AUTS2: variants seen among roughly 807,000 people sequenced by gnomAD.
AUTS2 encodes autism susceptibility gene 2 protein.
AUTS2 carries 17 observed loss-of-function variants against 112.4 expected under a neutral mutation model. The observed-to-expected ratio is 0.15, with a 90% CI of 0.10 to 0.23. The LOEUF (loss-of-function observed/expected upper bound fraction) is 0.23, where lower values mean the gene tolerates loss of function less well. Among genes scored for constraint, AUTS2 ranks in the 10% least tolerant of loss-of-function variants. AUTS2 has a pLI of 1.00. For missense variants in AUTS2, 1,510 were observed against 1,701.6 expected (o/e 0.89, Z 1.98); for synonymous variants, 751 against 702.7 (o/e 1.07, Z -1.09).
chr7:69,765,158 T>G (rs1321633658), intron 1 of AUTS2, among the ~76,000 whole-genome samples: 2 of 152,228 alleles, frequency 1.3e-5, no homozygotes, highest in Non-Finnish European at 2.9e-5. Context: ...CTGGGCGGAT[T>G]ACATGTAGCA....
chr7:70,747,279 A>G (rs1225265586), intron 6 of AUTS2, among the ~76,000 whole-genome samples: 1 of 152,232 alleles, frequency 6.6e-6, no homozygotes, highest in Non-Finnish European at 1.5e-5. Flanking sequence ...CGAAGCATCA[A>G]CTTGGTTGTC....
intron 5 of AUTS2, among the ~76,000 whole-genome samples, chr7:70,502,759 A>C (rs1798816496): frequency 6.6e-6 from 1 of 152,174 alleles, no homozygotes; most frequent in African/African-American, 2.4e-5. Context: ...GAAAGTTCCC[A>C]TTCAGAAAAG....
intron 1 of AUTS2, among the ~76,000 whole-genome samples, chr7:69,752,597 T>C (rs926709016): frequency 6.6e-6 from 1 of 152,196 alleles, no homozygotes; most frequent in African/African-American, 2.4e-5. Context: ...TTGATCAGGA[T>C]AATTGTTGGG....
chr7:70,137,246 GAGA>G (rs2129575068), intron 4 of AUTS2, among the ~76,000 whole-genome samples: 1 of 152,264 alleles, frequency 6.6e-6, no homozygotes, highest in African/African-American at 2.4e-5. Context: ...AGACAAAATA[GAGA>G]AGGATTGGAA....
intron 2 of AUTS2, among the ~76,000 whole-genome samples, chr7:70,082,223 A>G (rs1302390225): frequency 3.9e-5 from 6 of 152,340 alleles, no homozygotes; most frequent in East Asian, 3.9e-4. Flanking sequence ...CTACGTGCCT[A>G]AAATGTTGAT....
chr7:69,883,014 A>G (rs1794121812), intron 1 of AUTS2, among the ~76,000 whole-genome samples: 4 of 152,312 alleles, frequency 2.6e-5, no homozygotes, highest in Admixed American at 2.0e-4. Context: ...CACAAATTTC[A>G]TTAAACTTTC....
chr7:70,703,688 G>C (rs1198565049), intron 6 of AUTS2, among the ~76,000 whole-genome samples: 3 of 152,142 alleles, frequency 2.0e-5, no homozygotes. Flanking sequence ...ATGATGTAAA[G>C]TGCATTTCCG....
At chr7:70,560,509 G>T (rs779472004) in intron 5 of AUTS2, among the ~76,000 whole-genome samples, 2 of 152,168 alleles carry the variant, frequency 1.3e-5, no homozygotes, top group Non-Finnish European at 2.9e-5. Flanking sequence ...AAACAACAGG[G>T]TTATTTTTTA....
chr7:70,197,513 G>GGT (rs1810249371), intron 4 of AUTS2, among the ~76,000 whole-genome samples: 1 of 132,578 alleles, frequency 7.5e-6, no homozygotes, highest in Non-Finnish European at 1.6e-5. Flanking sequence ...AGCAGGGCGA[G>GGT]GCATTGCCTC....
rs551651372 is a variant in AUTS2 at position 70,245,626 on chromosome 7, G to A, written c.660+111055G>A. Among the ~76,000 whole-genome samples, 5 of 152,070 alleles carry A rather than the reference G, an allele frequency of 3.3e-5. No homozygotes were observed. In the South Asian group the frequency reaches 1.0e-3, roughly 32 times the overall value. ...GTGTTCCATTGTATGAATATACTAT[G>A]GTTTACATATACCTTGTATTGATGG... On this transcript the variant is annotated intron_variant, in intron 4 of 18. Coordinates refer to ENST00000342771, the MANE Select transcript of AUTS2 (RefSeq NM_015570.4).
chr7:70,528,105 T>TTTA (rs1554421873), intron 5 of AUTS2, among the ~76,000 whole-genome samples: 21 of 112,762 alleles, frequency 1.9e-4, no homozygotes, highest in South Asian at 2.5e-4. Flanking sequence ...TTTTTTTTTT[T>TTTA]TTTTTTTTTT....
At chr7:70,617,860 G>A (rs1000268471) in intron 5 of AUTS2, among the ~76,000 whole-genome samples, 5 of 152,104 alleles carry the variant, frequency 3.3e-5, no homozygotes, top group African/African-American at 9.7e-5. Context: ...TCTGCACACC[G>A]CCTCTACTCA....
intron 2 of AUTS2, among the ~76,000 whole-genome samples, chr7:69,928,341 A>G (rs1268263601): frequency 6.6e-6 from 1 of 152,152 alleles, no homozygotes; most frequent in Non-Finnish European, 1.5e-5. Context: ...CAGCCCACAG[A>G]CTTCATGCCA....
chr7:69,686,232 C>T (rs916406645), intron 1 of AUTS2, among the ~76,000 whole-genome samples: 5 of 152,136 alleles, frequency 3.3e-5, no homozygotes, highest in Non-Finnish European at 7.4e-5. Flanking sequence ...ATATTTGAAT[C>T]GTGAATATAC....
At chr7:70,319,793 G>T (rs1302086492) in intron 4 of AUTS2, among the ~76,000 whole-genome samples, 2 of 152,182 alleles carry the variant, frequency 1.3e-5, no homozygotes, top group African/African-American at 2.4e-5. Context: ...AAATTACATG[G>T]TAGTGACTTC....
intron 4 of AUTS2, among the ~76,000 whole-genome samples, chr7:70,336,479 C>T (rs1790995269): frequency 6.6e-6 from 1 of 152,134 alleles, no homozygotes. Context: ...AGTGTGTTCC[C>T]TTAGCTTCTG....
At chr7:70,688,538 C>G (rs535222010) in intron 5 of AUTS2, among the ~76,000 whole-genome samples, 374 of 152,170 alleles carry the variant, frequency 2.5e-3, no homozygotes, top group Non-Finnish European at 4.4e-3. Context: ...ACAAAAAAAA[C>G]AAATCATGGC....
chr7:70,293,591 A>G (rs1163910186), intron 4 of AUTS2: 1 of 152,174 alleles, frequency 6.6e-6, no homozygotes, highest in Non-Finnish European at 1.5e-5. Flanking sequence ...GGATATGGAC[A>G]AATTTGTGGA....
chr7:69,973,550 A>T (rs1231846312), intron 2 of AUTS2, among the ~76,000 whole-genome samples: 1 of 152,138 alleles, frequency 6.6e-6, no homozygotes, highest in African/African-American at 2.4e-5. Flanking sequence ...GCTGTTTAGT[A>T]CAATGTTAGC....
Sources: allele counts gnomAD v4.1 joint callset (sites outside exome capture counted in the v4.1 genomes callset), GRCh38; gene constraint gnomAD v4.1.1; transcripts MANE v1.5; gene names NCBI Gene and HGNC (gene_info 2026-07-23, HGNC 2026-07-21).